The following ADGRA1 variants were observed in gnomAD, a reference collection of about 807,000 sequenced individuals.
ADGRA1 encodes G-protein coupled receptor 123.
Under a neutral mutation model 21.3 loss-of-function variants are expected in ADGRA1, and 12 were observed. The ratio of observed to expected loss-of-function variants is 0.56; its 90% confidence interval spans 0.36 to 0.91. The LOEUF (loss-of-function observed/expected upper bound fraction) is 0.91. Ranked by LOEUF, ADGRA1 falls within the 40% of genes least tolerant of loss-of-function variation. The pLI is 0.01. For synonymous variants in ADGRA1, 385 were observed against 368.8 expected, an observed-to-expected ratio of 1.04 and a Z score of -0.50; for missense variants, 790 against 805.6, an observed-to-expected ratio of 0.98 and a Z score of 0.23.
chr10:133,110,892 T>C (rs1319198516), intron 5 of ADGRA1, among the ~76,000 whole-genome samples: 2 of 152,148 alleles, frequency 1.3e-5, no homozygotes, highest in Non-Finnish European at 2.9e-5. Context: ...CATGGGGCCC[T>C]GGACACAGGT....
chr10:133,114,241 G>A (rs1000100230), intron 5 of ADGRA1, among the ~76,000 whole-genome samples: 1 of 152,222 alleles, frequency 6.6e-6, no homozygotes, highest in Admixed American at 6.5e-5. Flanking sequence ...CTGATGCCTG[G>A]GTCCAGGGAT....
In ADGRA1 at chr10:133,111,260, CAGGCACCT is replaced by C. The variant is rs1851995874; in HGVS notation, c.401+8419_401+8426del. Reference sequence around the variant, plus strand: ...ATCCCACCAGACAACCTGCCCACCACAGGCACCTCCCTCCTAATCCCACCAGACAACCT... The same window carrying C: ...ATCCCACCAGACAACCTGCCCACCACCCCTCCTAATCCCACCAGACAACCT... On this transcript the variant is annotated intron_variant, in intron 5 of 6. Transcript: ENST00000392607. Among the ~76,000 whole-genome samples the C allele has an allele frequency of 3.9e-4, 36 of 91,626 alleles. 5 individuals are homozygous for C. The highest frequency in any genetic ancestry group is 2.3e-3 in the African/African-American group (31 of 13,584). 60.1% of individuals were successfully genotyped at this position (91,626 alleles called of 152,430 possible).
At chr10:133,088,577 G>T (rs1851543373) in intron 1 of ADGRA1, 131 bp from the exon 2 acceptor site, 2 of 446,700 alleles carry the variant, frequency 4.5e-6, no homozygotes. Flanking sequence ...AGCCCCAGGC[G>T]CAGCCCCCAG....
In ADGRA1 at chr10:133,130,694, CACAA is replaced by C. The variant is rs1852500374; in HGVS notation, c.*1187_*1190del. ...TGTGCATATCACACACATGCACACA[CACAA>C]ACACATGTGCATATCACACACGCGC... On this transcript the variant is annotated 3_prime_UTR_variant, in exon 7 of 7. Transcript: ENST00000392607. 2 of 151,952 alleles carry C rather than the reference CACAA, an allele frequency of 1.3e-5. No individual in the cohort carries two copies. The highest frequency in any genetic ancestry group is 2.9e-5 in the Non-Finnish European group (2 of 68,046). 9.4% of individuals were successfully genotyped at this position (151,952 alleles called of 1,614,324 possible).
At chr10:133,119,002 C>T (rs560742710) in intron 5 of ADGRA1, among the ~76,000 whole-genome samples, 3 of 151,762 alleles carry the variant, frequency 2.0e-5, no homozygotes, top group South Asian at 2.1e-4. Context: ...TTGCACTGCA[C>T]ACGTGCACAT....
At position 133,129,955 on chromosome 10, in the gene ADGRA1, G is replaced by C. The variant is rs1354113146; in HGVS notation, c.*444G>C. The C allele has an allele frequency of 5.7e-6, 1 of 175,452 alleles. No homozygotes were observed. The highest frequency in any genetic ancestry group is 1.2e-5 in the Non-Finnish European group (1 of 82,520). 10.9% of individuals were successfully genotyped at this position (175,452 alleles called of 1,614,324 possible). A position where few individuals can be genotyped will look rare whatever the true frequency, so the allele number is the denominator to read the frequency against. On this transcript the variant is annotated 3_prime_UTR_variant, in exon 7 of 7. Coordinates refer to ENST00000392607, the MANE Select transcript of ADGRA1 (RefSeq NM_001083909.3). ...GCTTCCCCTGGTGTGGCCGGGCAGGGCCGAGATCGCAGGAGGGGGCTGCCC... is the reference window on the plus strand; with the variant it reads ...GCTTCCCCTGGTGTGGCCGGGCAGGCCCGAGATCGCAGGAGGGGGCTGCCC...
chr10:133,119,546 C>T (rs909630518), intron 5 of ADGRA1, among the ~76,000 whole-genome samples: 1 of 152,230 alleles, frequency 6.6e-6, no homozygotes. Flanking sequence ...TCTGCCACGG[C>T]TTGGTCAACT....
chr10:133,111,297 C>CG (rs1269119045), intron 5 of ADGRA1, among the ~76,000 whole-genome samples: 5 of 62,990 alleles, frequency 7.9e-5, no homozygotes, highest in South Asian at 7.6e-4. Flanking sequence ...ACAACCTGCC[C>CG]CCCCGGGAAC....
rs1455579713 is a variant in ADGRA1, at chr10:133,098,712, T to C, written c.204T>C (p.Thr68=). 1 of 1,611,848 alleles carries C rather than the reference T, an allele frequency of 6.2e-7. No homozygotes were observed. Among genetic ancestry groups the C allele is most frequent in the African/African-American group, 1.3e-5 (1 of 74,940 alleles). The change falls in exon 4 of 7, where the codon ACT becomes ACC. Residue 68 remains threonine (T), a synonymous_variant. Coordinates refer to ENST00000392607, the MANE Select transcript of ADGRA1 (RefSeq NM_001083909.3). ...GCTTCCACGCGGCCCTGACCTTCAC[T>C]GTGTTCGCCGGCGGCATCAATCGCA... ...NFCFHAALTF[T]VFAGGINRTK... is the part of the protein sequence containing the mutation.
rs891445796 is a variant in ADGRA1, at chr10:133,129,794, A to G, written c.*283A>G. The G allele has an allele frequency of 4.8e-6, 2 of 417,992 alleles. No individual in the cohort carries two copies. Among genetic ancestry groups the G allele is most frequent in the African/African-American group, 4.2e-5 (2 of 47,712 alleles). 25.9% of individuals were successfully genotyped at this position (417,992 alleles called of 1,614,324 possible). ...TCCCAATTCCGCGTGCTGGTCCCGC[A>G]CACGGTCATCCGGTTTCTGTCCTGT... On this transcript the variant is annotated 3_prime_UTR_variant, in exon 7 of 7. Transcript: ENST00000392607.
Position 133,131,614 on chromosome 10 carries a change from C to T in ADGRA1, c.*2103C>T, listed in dbSNP as rs1852528643. 1.3e-5 allele frequency: 2 copies of T among 152,502 alleles called. No homozygotes were observed. Among genetic ancestry groups the T allele is most frequent in the Admixed American group, 6.5e-5 (1 of 15,292 alleles). The allele number at this position is 152,502 out of a possible 1,614,324, so 9.4% of individuals were successfully genotyped here. A position where few individuals can be genotyped will look rare whatever the true frequency, so the allele number is the denominator to read the frequency against. ...TGCCCCCGGCTGAGCAGAGAGGCGT[C>T]CCACCATTCAACCAAAGAAAGTCAA... On this transcript the variant is annotated 3_prime_UTR_variant, in exon 7 of 7. Transcript: ENST00000392607.
chr10:133,124,936 C>T (rs1003751818), intron 5 of ADGRA1, among the ~76,000 whole-genome samples: 4 of 152,254 alleles, frequency 2.6e-5, no homozygotes, highest in African/African-American at 9.6e-5. Flanking sequence ...TCTGCCGGCT[C>T]ACCGGGAAGG....
chr10:133,124,894 G>A (rs931842138), intron 5 of ADGRA1, among the ~76,000 whole-genome samples: 2 of 152,212 alleles, frequency 1.3e-5, no homozygotes, highest in African/African-American at 4.8e-5. Flanking sequence ...GCCCAGCGGC[G>A]GCGGCGAGAA....
chr10:133,119,091 C>T (rs1352261042), intron 5 of ADGRA1, among the ~76,000 whole-genome samples: 1 of 152,170 alleles, frequency 6.6e-6, no homozygotes, highest in Admixed American at 6.5e-5. Context: ...CTCACATGCT[C>T]ACATCACACT....
At chr10:133,097,743 C>G (rs1180811250) in intron 3 of ADGRA1, among the ~76,000 whole-genome samples, 2 of 152,240 alleles carry the variant, frequency 1.3e-5, no homozygotes, top group East Asian at 3.8e-4. Flanking sequence ...ACAGGAGAAA[C>G]TGACTTCTCA....
intron 5 of ADGRA1, among the ~76,000 whole-genome samples, chr10:133,107,095 A>C (rs553527156): frequency 6.6e-6 from 1 of 152,128 alleles, no homozygotes; most frequent in Admixed American, 6.5e-5. Flanking sequence ...TATTCTTTTG[A>C]TGTTATTATA....
intron 5 of ADGRA1, among the ~76,000 whole-genome samples, chr10:133,117,842 C>T (rs2135899977): frequency 6.6e-6 from 1 of 152,344 alleles, no homozygotes; most frequent in African/African-American, 2.4e-5. Context: ...CCTGCCAGGC[C>T]CAGCTCCCCT....
intron 5 of ADGRA1, among the ~76,000 whole-genome samples, chr10:133,108,953 C>A (rs1851940362): frequency 6.7e-6 from 1 of 149,230 alleles, no homozygotes; most frequent in Non-Finnish European, 1.5e-5. Context: ...CTCCACCCGT[C>A]CCCTCATGTC....
At chr10:133,108,360 T>G in intron 5 of ADGRA1, among the ~76,000 whole-genome samples, 1 of 152,140 alleles carries the variant, frequency 6.6e-6, no homozygotes. Context: ...GAAGGACAGG[T>G]GCAGCCTCAA....
Sources: allele counts gnomAD v4.1 joint callset (sites outside exome capture counted in the v4.1 genomes callset), GRCh38; gene constraint gnomAD v4.1.1; transcripts MANE v1.5; gene names NCBI Gene and HGNC (gene_info 2026-07-23, HGNC 2026-07-21).